Variants in RABGAP1L observed in about 807,000 individuals in gnomAD.
The protein encoded by RABGAP1L is rab GTPase-activating protein 1-like.
A neutral mutation model predicts 137.7 loss-of-function variants in RABGAP1L; 63 were observed. The ratio of observed to expected loss-of-function variants is 0.46; its 90% CI spans 0.37 to 0.56. RABGAP1L has a LOEUF of 0.56. Ranked by LOEUF, RABGAP1L falls within the 20% of genes least tolerant of loss-of-function variation. The pLI is 0.00. For missense variants in RABGAP1L, 1,095 were observed against 1,244.0 expected, an observed-to-expected ratio of 0.88 and a Z score of 1.80; for synonymous variants, 431 against 433.7, an observed-to-expected ratio of 0.99 and a Z score of 0.08.
chr1:174,873,805 G>A (rs755652259), intron 19 of RABGAP1L, among the ~76,000 whole-genome samples: 3 of 152,080 alleles, frequency 2.0e-5, no homozygotes, highest in Non-Finnish European at 2.9e-5. Context: ...CACTGCGCCC[G>A]GTGAGGTGAG....
chr1:174,263,119 A>T (rs1468422326), intron 7 of RABGAP1L, among the ~76,000 whole-genome samples: 1 of 152,072 alleles, frequency 6.6e-6, no homozygotes, highest in Non-Finnish European at 1.5e-5. Flanking sequence ...CAGGCCTCGT[A>T]CCACCCTGCC....
intron 19 of RABGAP1L, among the ~76,000 whole-genome samples, chr1:174,856,254 G>A (rs1379699328): frequency 6.6e-6 from 1 of 152,042 alleles, no homozygotes; most frequent in East Asian, 1.9e-4. Context: ...AAATTAGCCG[G>A]GTGTGGTGGC....
At position 174,702,210 on chromosome 1, in the gene RABGAP1L, T is replaced by G. The variant is rs1197442207; in HGVS notation, c.2123T>G (p.Phe708Cys). ...TTTCTCACTCTTTTTACTGCCAAGT[T>G]CCCACTCTGCATGGTGTTCCACATC... is the stretch of plus-strand genomic sequence containing the variant. ...QWFLTLFTAK[F>C]PLCMVFHIID... The change falls in exon 17 of 26, where the codon TTC becomes TGC. Residue 708 changes from phenylalanine (F) to cysteine (C), a missense_variant. Around this residue, in one of 4 missense-constraint regions of RABGAP1L, gnomAD observed 312 missense variants for 435.6 expected, o/e 0.72. Coordinates refer to ENST00000681986, the MANE Select transcript of RABGAP1L (RefSeq NM_001366446.1). 6.2e-7 allele frequency: 1 copy of G among 1,612,630 alleles called. No individual in the cohort carries two copies. The highest frequency in any genetic ancestry group is 1.3e-5 in the African/African-American group (1 of 74,870).
chr1:174,744,090 TAAA>T (rs10694829), intron 17 of RABGAP1L, among the ~76,000 whole-genome samples: 23 of 45,134 alleles, frequency 5.1e-4, no homozygotes, highest in African/African-American at 1.5e-3. Flanking sequence ...GTGAAATACG[TAAA>T]AAAAAAAAAA....
intron 1 of RABGAP1L, among the ~76,000 whole-genome samples, chr1:174,180,744 G>A (rs1666285839): frequency 6.6e-6 from 1 of 152,206 alleles, no homozygotes; most frequent in East Asian, 1.9e-4. Context: ...TAGGATTACA[G>A]GCATGAGCCA....
intron 11 of RABGAP1L, among the ~76,000 whole-genome samples, chr1:174,356,971 T>C (rs1485453543): frequency 6.7e-6 from 1 of 150,206 alleles, no homozygotes; most frequent in Non-Finnish European, 1.5e-5. Context: ...ATGTTTAGAT[T>C]GAAGAAAGTG....
At chr1:174,571,593 T>G (rs1480230032) in intron 13 of RABGAP1L, among the ~76,000 whole-genome samples, 1 of 152,052 alleles carries the variant, frequency 6.6e-6, no homozygotes, top group East Asian at 1.9e-4. Flanking sequence ...ATTTTTAAAA[T>G]AAATTATATT....
At chr1:174,614,067 A>T (rs1413495232) in intron 13 of RABGAP1L, among the ~76,000 whole-genome samples, 3 of 152,144 alleles carry the variant, frequency 2.0e-5, no homozygotes, top group Non-Finnish European at 4.4e-5. Flanking sequence ...ATGTAAAGTT[A>T]ATATTGTTAT....
rs535450335 is a variant in RABGAP1L, at chr1:174,346,604, G to T, written c.1466-24375G>T. 5.9e-5 allele frequency among the ~76,000 whole-genome samples: 9 copies of T among 151,616 alleles called. No individual in the cohort carries two copies. In the South Asian group the frequency reaches 1.7e-3, roughly 28 times the overall value. On this transcript the variant is annotated intron_variant, in intron 11 of 25. Coordinates refer to ENST00000681986, the MANE Select transcript of RABGAP1L (RefSeq NM_001366446.1). Reference sequence around the variant, plus strand: ...GTTGTAATGTCTTCTTTTTATCTCTGATTTCATTTATTTGGGGCTTCTCTT... The same window carrying T: ...GTTGTAATGTCTTCTTTTTATCTCTTATTTCATTTATTTGGGGCTTCTCTT...
intron 13 of RABGAP1L, among the ~76,000 whole-genome samples, chr1:174,514,725 C>T (rs1662657698): frequency 6.6e-6 from 1 of 152,102 alleles, no homozygotes; most frequent in Non-Finnish European, 1.5e-5. Flanking sequence ...TTTCACACAG[C>T]ATATTCAATT....
chr1:174,910,283 A>G (rs1288127338), intron 19 of RABGAP1L, among the ~76,000 whole-genome samples: 1 of 152,184 alleles, frequency 6.6e-6, no homozygotes, highest in Non-Finnish European at 1.5e-5. Flanking sequence ...AACAAGAACC[A>G]TTTGATTATT....
chr1:174,185,161 G>A (rs957976081), intron 1 of RABGAP1L, among the ~76,000 whole-genome samples: 2 of 152,210 alleles, frequency 1.3e-5, no homozygotes, highest in African/African-American at 4.8e-5. Flanking sequence ...CTATCCTTTT[G>A]TTTGTAGTGA....
intron 20 of RABGAP1L, among the ~76,000 whole-genome samples, chr1:174,962,196 A>AACCCCCCCCCC (rs1669189616): frequency 1.3e-5 from 1 of 77,842 alleles, no homozygotes; most frequent in Non-Finnish European, 2.3e-5. Flanking sequence ...ATAAAAATAC[A>AACCCCCCCCCC]CCCCCCCCCC....
chr1:174,462,161 G>A (rs186226152), intron 13 of RABGAP1L, among the ~76,000 whole-genome samples: 49 of 152,108 alleles, frequency 3.2e-4, no homozygotes, highest in African/African-American at 1.1e-3. Flanking sequence ...TGGTGCTCAG[G>A]GCTGAATAAA....
chr1:174,566,253 G>T (rs143103623), intron 13 of RABGAP1L, among the ~76,000 whole-genome samples: 1 of 152,114 alleles, frequency 6.6e-6, no homozygotes, highest in Non-Finnish European at 1.5e-5. Context: ...TGAGGGGTGG[G>T]AGACGGAGAA....
At chr1:174,717,665 G>A (rs1681134907) in intron 17 of RABGAP1L, among the ~76,000 whole-genome samples, 1 of 152,056 alleles carries the variant, frequency 6.6e-6, no homozygotes, top group Non-Finnish European at 1.5e-5. Context: ...GTATTACTTT[G>A]CCTATTCACC....
At chr1:174,278,006 T>C (rs1440366729) in intron 9 of RABGAP1L, among the ~76,000 whole-genome samples, 1 of 152,194 alleles carries the variant, frequency 6.6e-6, no homozygotes, top group Non-Finnish European at 1.5e-5. Context: ...GACTTTCCTT[T>C]AACAGAGAAC....
chr1:174,778,231 C>T (rs1456234955), intron 18 of RABGAP1L, among the ~76,000 whole-genome samples: 1 of 152,118 alleles, frequency 6.6e-6, no homozygotes, highest in Non-Finnish European at 1.5e-5. Context: ...TCCTTAGAAA[C>T]AGTGCCAGCA....
intron 19 of RABGAP1L, among the ~76,000 whole-genome samples, chr1:174,890,054 C>T (rs1655860214): frequency 6.6e-6 from 1 of 152,128 alleles, no homozygotes; most frequent in African/African-American, 2.4e-5. Flanking sequence ...TTAACTGTTT[C>T]AAAAATCAAA....
Sources: gnomAD v4.1 joint callset for allele counts (sites outside exome capture counted in the v4.1 genomes callset) on GRCh38, gnomAD v4.1.1 for gene constraint, gnomAD v4.1.1 regional missense constraint, MANE v1.5 for transcripts, NCBI Gene and HGNC (gene_info 2026-07-23, HGNC 2026-07-21) for gene names.